The following RTCB variants were observed in gnomAD, a reference collection of about 807,000 sequenced individuals.
RTCB encodes RNA 2',3'-cyclic phosphate and 5'-OH ligase.
Under a neutral mutation model 58.2 loss-of-function variants are expected in RTCB, and 32 were observed. The ratio of observed to expected loss-of-function variants is 0.55; its 90% CI spans 0.41 to 0.74. The LOEUF is 0.74. Among genes scored for constraint, RTCB ranks in the 30% least tolerant of loss-of-function variants. The pLI, the probability that RTCB is intolerant of heterozygous loss-of-function variation, is 0.00. For missense variants in RTCB, 523 were observed against 639.0 expected (o/e 0.82, Z 1.96); for synonymous variants, 247 against 218.6 (o/e 1.13, Z -1.15).
intron 11 of RTCB, among the ~76,000 whole-genome samples, chr22:32,388,511 T>C (rs991701477): frequency 6.6e-6 from 1 of 152,216 alleles, no homozygotes; most frequent in Non-Finnish European, 1.5e-5. Flanking sequence ...GTTATCAAAA[T>C]TTCTGGAATG....
chr22:32,399,810 A>T, intron 5 of RTCB, 51 bp from the exon 6 acceptor site: 1 of 1,533,326 alleles, frequency 6.5e-7, no homozygotes, highest in Non-Finnish European at 8.9e-7. Flanking sequence ...GCAGATCAAA[A>T]CCTAAGGATG....
intron 11 of RTCB, among the ~76,000 whole-genome samples, chr22:32,391,374 A>G (rs1214560270): frequency 6.6e-6 from 1 of 152,074 alleles, no homozygotes; most frequent in Non-Finnish European, 1.5e-5. Context: ...GCATTTAGGA[A>G]AAAACTATGA....
intron 4 of RTCB, among the ~76,000 whole-genome samples, chr22:32,403,501 T>C (rs1933372194): frequency 6.6e-6 from 1 of 152,250 alleles, no homozygotes; most frequent in Non-Finnish European, 1.5e-5. Context: ...AATTAACCTA[T>C]TTATGATCTC....
Position 32,393,872 on chromosome 22 carries a change from G to T in RTCB, c.1290+20C>A. 6.6e-7 allele frequency: 1 copy of T among 1,515,928 alleles called. No individual in the cohort carries two copies. Among genetic ancestry groups the T allele is most frequent in the Non-Finnish European group, 9.2e-7 (1 of 1,090,580 alleles). The allele number at this position is 1,515,928 out of a possible 1,614,324, so 93.9% of individuals were successfully genotyped here. On this transcript the variant is annotated intron_variant, in intron 10 of 11. Coordinates refer to ENST00000216038, the MANE Select transcript of RTCB (RefSeq NM_014306.5). ...CTAAACTGAAGAGAGCATTTCTAAG[G>T]AAGTTTCTGTTTTCCTTACCGCTCC...
chr22:32,392,764 C>T (rs1375472683), intron 10 of RTCB, among the ~76,000 whole-genome samples: 1 of 151,818 alleles, frequency 6.6e-6, no homozygotes, highest in Admixed American at 6.6e-5. Flanking sequence ...GAGAAACAAT[C>T]AGAAAAAAAA....
At chr22:32,405,996 T>C (rs140356317) in intron 4 of RTCB, among the ~76,000 whole-genome samples, 2 of 152,302 alleles carry the variant, frequency 1.3e-5, no homozygotes, top group East Asian at 1.9e-4. Flanking sequence ...CTAAATATTT[T>C]ACACAGCTGA....
chr22:32,397,249 C>T (rs970203983), intron 7 of RTCB, among the ~76,000 whole-genome samples: 2 of 152,208 alleles, frequency 1.3e-5, no homozygotes, highest in African/African-American at 4.8e-5. Context: ...CACACACCCT[C>T]CAAGCTATCC....
At chr22:32,409,504 G>A (rs1933483746) in intron 1 of RTCB, among the ~76,000 whole-genome samples, 1 of 152,202 alleles carries the variant, frequency 6.6e-6, no homozygotes, top group South Asian at 2.1e-4. Context: ...CTAAAGAGCA[G>A]AACATTTTTA....
At chr22:32,405,382 C>T (rs186405763) in intron 4 of RTCB, among the ~76,000 whole-genome samples, 41 of 152,234 alleles carry the variant, frequency 2.7e-4, no homozygotes, top group Non-Finnish European at 5.3e-4. Flanking sequence ...TTGATGCCTG[C>T]TTTACCGCTC....
chr22:32,409,105 C>G (rs1440078538), intron 1 of RTCB, among the ~76,000 whole-genome samples: 1 of 152,016 alleles, frequency 6.6e-6, no homozygotes, highest in Non-Finnish European at 1.5e-5. Flanking sequence ...GATTCAGCAT[C>G]TTTTTGTGAT....
At chr22:32,401,090 G>GTTTT (rs536914312) in intron 5 of RTCB, among the ~76,000 whole-genome samples, 4,101 of 136,660 alleles carry the variant, frequency 0.03, 200 homozygotes, top group African/African-American at 0.1. Context: ...CACCTACTAA[G>GTTTT]TTTTTTTTTT....
intron 11 of RTCB, among the ~76,000 whole-genome samples, chr22:32,388,421 C>T (rs996638964): frequency 6.6e-6 from 1 of 152,104 alleles, no homozygotes; most frequent in African/African-American, 2.4e-5. Flanking sequence ...CGGCACCCAA[C>T]CATCATATGT....
At chr22:32,408,307 T>C (rs1933462791) in intron 2 of RTCB, 65 bp from the exon 3 acceptor site, 2 of 1,357,556 alleles carry the variant, frequency 1.5e-6, no homozygotes, top group Admixed American at 1.7e-5. Flanking sequence ...ATTATATTCA[T>C]GTTTTTAGAC....
intron 9 of RTCB, among the ~76,000 whole-genome samples, chr22:32,394,339 C>T (rs903086410): frequency 6.6e-6 from 1 of 151,994 alleles, no homozygotes; most frequent in African/African-American, 2.4e-5. Flanking sequence ...TCTCGATCTC[C>T]CGAACTCGTG....
At position 32,399,717 on chromosome 22, in the gene RTCB, T is replaced by G; in HGVS notation, c.540A>C (p.Leu180Phe). The change falls in exon 6 of 12, where the codon TTA becomes TTC. Residue 180 changes from leucine (L) to phenylalanine (F), a missense_variant. Coordinates refer to ENST00000216038, the MANE Select transcript of RTCB (RefSeq NM_014306.5). ...CTTCAGCCCAGGCATACCCTTCTCT[T>G]AAGGACCAGTCCACCCCCATCTCCA... ...EALEMGVDWS[L>F]REGYAWAEDK... The G allele has an allele frequency of 6.2e-7, 1 of 1,614,036 alleles. No homozygotes were observed. Among genetic ancestry groups the G allele is most frequent in the South Asian group, 1.1e-5 (1 of 91,064 alleles).
At chr22:32,402,089 A>G (rs1022480247) in intron 4 of RTCB, among the ~76,000 whole-genome samples, 186 bp from the exon 5 acceptor site, 19 of 152,226 alleles carry the variant, frequency 1.2e-4, no homozygotes, top group Non-Finnish European at 2.9e-5. Context: ...AGTAACATAC[A>G]CACTAAAGGC....
intron 11 of RTCB, among the ~76,000 whole-genome samples, chr22:32,390,677 T>G (rs887632110): frequency 5.9e-5 from 9 of 152,116 alleles, no homozygotes; most frequent in Admixed American, 3.9e-4. Flanking sequence ...CTTGATCTCC[T>G]CACCTTGTGA....
At chr22:32,391,353 C>T (rs1933151162) in intron 11 of RTCB, among the ~76,000 whole-genome samples, 1 of 150,510 alleles carries the variant, frequency 6.6e-6, no homozygotes. Context: ...TTAAGACTAG[C>T]TTTAAAAAAA....
chr22:32,408,341 T>A (rs926349261), intron 2 of RTCB, 99 bp from the exon 3 acceptor site: 1 of 925,938 alleles, frequency 1.1e-6, no homozygotes, highest in Non-Finnish European at 1.7e-6. Context: ...GAGGTAGTCA[T>A]TAGGGCTACT....
Sources: allele counts gnomAD v4.1 joint callset (sites outside exome capture counted in the v4.1 genomes callset), GRCh38; gene constraint gnomAD v4.1.1; transcripts MANE v1.5; gene names NCBI Gene and HGNC (gene_info 2026-07-23, HGNC 2026-07-21).